Variants in DHX33 observed in about 807,000 individuals in gnomAD.
The protein encoded by DHX33 is ATP-dependent RNA helicase DHX33.
DHX33 carries 42 observed loss-of-function variants against 72.5 expected under a neutral mutation model. The observed-to-expected ratio is 0.58, with a 90% CI of 0.45 to 0.75. The LOEUF (loss-of-function observed/expected upper bound fraction) is 0.75, where lower values mean the gene tolerates loss of function less well. DHX33 is among the 30% of genes least tolerant of loss of function. The pLI is 0.00. For synonymous variants in DHX33, 358 were observed against 366.1 expected, an observed-to-expected ratio of 0.98 and a Z score of 0.25; for missense variants, 842 against 917.5, an observed-to-expected ratio of 0.92 and a Z score of 1.06.
In DHX33 at chr17:5,463,608, A is replaced by G. The variant is rs764927155; in HGVS notation, c.371T>C (p.Val124Ala). The change falls in exon 2 of 12, where the codon GTG becomes GCG. Residue 124 changes from valine to alanine, a missense_variant. Transcript: ENST00000225296. ...GGCAGCTACTCGACGAGGCTGGGTCACAGCAATGATGCCCTGGCGGCTGAT... is the reference window on the plus strand; with the variant it reads ...GGCAGCTACTCGACGAGGCTGGGTCGCAGCAATGATGCCCTGGCGGCTGAT... The part of the protein sequence containing the change: ...GGISRQGIIA[V>A]TQPRRVAAIS... 6 of 1,614,012 alleles carry G rather than the reference A, an allele frequency of 3.7e-6. No homozygotes were observed. Among genetic ancestry groups the G allele is most frequent in the Non-Finnish European group, 4.2e-6 (5 of 1,180,016 alleles).
intron 4 of DHX33, among the ~76,000 whole-genome samples, chr17:5,459,828 T>A (rs1397584756): frequency 1.3e-5 from 2 of 151,652 alleles, no homozygotes; most frequent in East Asian, 3.9e-4. Flanking sequence ...TAATTTTTTT[T>A]ATAGAGACAG....
At chr17:5,455,495 C>A (rs1317642232) in intron 5 of DHX33, among the ~76,000 whole-genome samples, 1 of 152,164 alleles carries the variant, frequency 6.6e-6, no homozygotes, top group East Asian at 1.9e-4. Context: ...TGCAGTGGAA[C>A]AAGCACAGGA....
At chr17:5,455,948 C>T in intron 5 of DHX33, 49 bp downstream of exon 5, 1 of 1,563,052 alleles carries the variant, frequency 6.4e-7, no homozygotes, top group Admixed American at 1.9e-5. Flanking sequence ...GCTGGTGGAT[C>T]CGTCTGGGTG....
At chr17:5,456,251 G>A in intron 4 of DHX33, 69 bp from the exon 5 acceptor site, 1 of 1,478,066 alleles carries the variant, frequency 6.8e-7, no homozygotes, top group Non-Finnish European at 9.4e-7. Flanking sequence ...AAAGACAATG[G>A]TGATTGATGA....
In DHX33 at chr17:5,468,875, C is replaced by T; in HGVS notation, c.-16G>A. On this transcript the variant is annotated 5_prime_UTR_variant, in exon 1 of 12. Coordinates refer to ENST00000225296, the MANE Select transcript of DHX33 (RefSeq NM_020162.4). ...CCTCCGGCATGTCGGGAGGGCACCG[C>T]GGCGGGAGGCGCAAGCGCCGAGAGC... 2 of 1,549,524 alleles carry T rather than the reference C, an allele frequency of 1.3e-6. No individual in the cohort carries two copies. Among genetic ancestry groups the T allele is most frequent in the Non-Finnish European group, 1.7e-6 (2 of 1,146,834 alleles).
intron 4 of DHX33, among the ~76,000 whole-genome samples, chr17:5,458,761 T>C (rs1428585555): frequency 1.3e-5 from 2 of 152,130 alleles, no homozygotes; most frequent in Non-Finnish European, 1.5e-5. Context: ...GAAAGCAATA[T>C]GTAGAGATTG....
intron 1 of DHX33, among the ~76,000 whole-genome samples, chr17:5,463,957 C>T (rs1202790885): frequency 1.3e-5 from 2 of 151,992 alleles, no homozygotes; most frequent in African/African-American, 4.8e-5. Context: ...TTCAAGGTTA[C>T]AGTAAGCCAT....
In DHX33 at chr17:5,455,999, T is replaced by G. The variant is rs756586856; in HGVS notation, c.1033A>C (p.Lys345Gln). 27 of 1,611,602 alleles carry G rather than the reference T, an allele frequency of 1.7e-5. No homozygotes were observed. The highest frequency in any genetic ancestry group is 6.7e-5 in the African/African-American group (5 of 74,834). Residue 345 changes from lysine to glutamine, a missense_variant and splice_region_variant, in exon 5 of 12, where the codon AAG (lysine) becomes CAG (glutamine). Lys to Gln is a moderately conservative substitution (Grantham distance 53). Coordinates refer to ENST00000225296, the MANE Select transcript of DHX33 (RefSeq NM_020162.4). ...QQLRVFQGAP[K>Q]GYRKVIISTN... ...GACAGAAGAGGTGGTGCACTCACCT[T>G]TGGGGCCCCTTGGAAGACTCGGAGC...
Position 5,453,630 on chromosome 17 carries a change from A to G in DHX33, c.1346T>C (p.Met449Thr), listed in dbSNP as rs1917052908. 6.2e-7 allele frequency: 1 copy of G among 1,614,182 alleles called. No individual in the cohort carries two copies. Among genetic ancestry groups the G allele is most frequent in the Non-Finnish European group, 8.5e-7 (1 of 1,180,036 alleles). ...LASVMLQLLA[M>T]KVPNVLTFDF... ...AAAGGTGAGCACATTTGGGACTTTC[A>G]TTGCTAGAAGCTGAAGCATCACACT... Residue 449 changes from methionine (M) to threonine (T), a missense_variant, in exon 8 of 12, where the codon ATG (methionine) becomes ACG (threonine). By Grantham distance (81) the Met-to-Thr change is moderately conservative (BLOSUM62 -1). Coordinates refer to ENST00000225296, the MANE Select transcript of DHX33 (RefSeq NM_020162.4).
chr17:5,466,039 C>T (rs923560736), intron 1 of DHX33, among the ~76,000 whole-genome samples: 5 of 152,120 alleles, frequency 3.3e-5, no homozygotes, highest in African/African-American at 9.7e-5. Flanking sequence ...TCTGTTAGCT[C>T]GATTCTATCT....
intron 3 of DHX33, chr17:5,461,416 G>A (rs1004199850): frequency 1.8e-5 from 3 of 168,678 alleles, no homozygotes; most frequent in Non-Finnish European, 2.5e-5. Flanking sequence ...TCAGGAGATC[G>A]AGGCCATCCT....
At chr17:5,461,310 T>C in intron 3 of DHX33, 1 of 403,068 alleles carries the variant, frequency 2.5e-6, no homozygotes, top group Non-Finnish European at 4.3e-6. Flanking sequence ...TTCCTTCTTT[T>C]TTTTTTTTTG....
intron 11 of DHX33, among the ~76,000 whole-genome samples, chr17:5,445,636 C>T (rs1181496818): frequency 6.6e-6 from 1 of 152,224 alleles, no homozygotes; most frequent in Non-Finnish European, 1.5e-5. Context: ...AGCTGGCCAG[C>T]TTTTCTCTTC....
Position 5,467,024 on chromosome 17 carries a change from C to T in DHX33, c.289+1547G>A, listed in dbSNP as rs1214830250. Among the ~76,000 whole-genome samples the T allele has an allele frequency of 3.3e-5, 5 of 152,164 alleles. No homozygotes were observed. In the South Asian group the frequency reaches 8.3e-4, roughly 25 times the overall value. ...ATAATTGTTTTGAGGGGGCCAGGTG[C>T]GGTGGCTCACGCCTCTTTCTATATC... On this transcript the variant is annotated intron_variant, in intron 1 of 11. Coordinates refer to ENST00000225296, the MANE Select transcript of DHX33 (RefSeq NM_020162.4).
chr17:5,463,736 T>A, intron 1 of DHX33, 47 bp from the exon 2 acceptor site: 2 of 1,533,760 alleles, frequency 1.3e-6, no homozygotes, highest in Non-Finnish European at 1.7e-6. Flanking sequence ...AAATGCAAAC[T>A]GGGGCTCGGC....
chr17:5,448,997 C>T (rs140428212), intron 10 of DHX33, 102 bp from the exon 11 acceptor site: 3 of 805,046 alleles, frequency 3.7e-6, no homozygotes, highest in African/African-American at 3.5e-5. Flanking sequence ...TGCAGTGATA[C>T]AATCATAGCT....
At chr17:5,467,236 C>T (rs1421412324) in intron 1 of DHX33, among the ~76,000 whole-genome samples, 1 of 152,186 alleles carries the variant, frequency 6.6e-6, no homozygotes, top group South Asian at 2.1e-4. Flanking sequence ...CCTAATTAAT[C>T]TTTTTCAAAG....
chr17:5,444,364 C>A lies in DHX33; in HGVS notation c.1965G>T (p.Ser655=). The change falls in exon 12 of 12, where the codon TCG becomes TCT. Residue 655 remains serine (S), a synonymous_variant. Coordinates refer to ENST00000225296, the MANE Select transcript of DHX33 (RefSeq NM_020162.4). The surrounding 1 kb of genome is among the most constrained non-coding windows in gnomAD (Gnocchi z 4.9). ...CCGGCTTGCAGTGGAAGAGGACAGACGACGGGTGGATGGCCACTGGCTGGT... is the reference window on the plus strand; with the variant it reads ...CCGGCTTGCAGTGGAAGAGGACAGAAGACGGGTGGATGGCCACTGGCTGGT... The part of the protein sequence containing the change: ...DTHQPVAIHP[S]SVLFHCKPAC... The A allele has an allele frequency of 6.2e-7, 1 of 1,614,188 alleles. No homozygotes were observed. The highest frequency in any genetic ancestry group is 8.5e-7 in the Non-Finnish European group (1 of 1,180,056).
At position 5,456,056 on chromosome 17, in the gene DHX33, G is replaced by A; in HGVS notation, c.976C>T (p.Pro326Ser). 1 of 1,613,610 alleles carries A rather than the reference G, an allele frequency of 6.2e-7. No individual in the cohort carries two copies. Among genetic ancestry groups the A allele is most frequent in the African/African-American group, 1.3e-5 (1 of 75,038 alleles). Reference sequence around the variant, plus strand: ...GCATAGGGCAGGGAGGCGTACAGAGGAAGGACCAGCATCGCAGGGCAGCCG... The same window carrying A: ...GCATAGGGCAGGGAGGCGTACAGAGAAAGGACCAGCATCGCAGGGCAGCCG... ...PDGCPAMLVLPLYASLPYAQQ... is the reference protein window; with the variant it reads ...PDGCPAMLVLSLYASLPYAQQ... Residue 326 changes from proline to serine, a missense_variant, in exon 5 of 12, where the codon CCT (proline) becomes TCT (serine). Coordinates refer to ENST00000225296, the MANE Select transcript of DHX33 (RefSeq NM_020162.4).
Sources: allele counts gnomAD v4.1 joint callset (sites outside exome capture counted in the v4.1 genomes callset), GRCh38; gene constraint gnomAD v4.1.1; non-coding constraint Gnocchi (gnomAD v3.1); transcripts MANE v1.5; gene names NCBI Gene and HGNC (gene_info 2026-07-23, HGNC 2026-07-21).